KRT77: variants seen among roughly 807,000 people sequenced by gnomAD.
KRT77 encodes the protein keratin, type II cytoskeletal 1b.
KRT77 carries 44 observed loss-of-function variants against 51.5 expected under a neutral mutation model. The observed-to-expected ratio is 0.85, with a 90% CI of 0.67 to 1.10. The LOEUF is 1.10. Among genes scored for constraint, KRT77 ranks in the 50% least tolerant of loss-of-function variants. The pLI is 0.00. For missense variants in KRT77, 763 were observed against 743.9 expected, an observed-to-expected ratio of 1.03 and a Z score of -0.30; for synonymous variants, 293 against 302.0, an observed-to-expected ratio of 0.97 and a Z score of 0.31.
intron 3 of KRT77, 74 bp downstream of exon 3, chr12:52,696,296 C>A (rs1941793992): frequency 2.8e-6 from 4 of 1,417,006 alleles, no homozygotes; most frequent in Non-Finnish European, 4.0e-6. Context: ...TGTCACAGAG[C>A]ATCCCATAGG....
rs746915887 is a variant in KRT77 at position 52,696,465 on chromosome 12, C to T, written c.759-35G>A. On this transcript the variant is annotated intron_variant, in intron 2 of 8. Transcript: ENST00000341809. The stretch of plus-strand genomic sequence containing the variant: ...GAGGCAAAGGAGCACAGAAAGGCTG[C>T]AGGCTGACCTTGGCTCCCTGAGGTC... The T allele has an allele frequency of 3.1e-6, 5 of 1,592,920 alleles. No homozygotes were observed. The South Asian group carries it at 4.4e-5, about 14-fold the overall frequency.
In KRT77 at chr12:52,695,747, A is replaced by T. The variant is rs1469893140; in HGVS notation, c.915+25T>A. The T allele has an allele frequency of 4.0e-6, 6 of 1,506,224 alleles. No individual in the cohort carries two copies. In the Admixed American group the frequency reaches 1.0e-4, roughly 25 times the overall value. The allele number at this position is 1,506,224 out of a possible 1,614,324, so 93.3% of individuals were successfully genotyped here. A position where few individuals can be genotyped will look rare whatever the true frequency, so the allele number is the denominator to read the frequency against. On this transcript the variant is annotated intron_variant, in intron 4 of 8. Coordinates refer to ENST00000341809, the MANE Select transcript of KRT77 (RefSeq NM_175078.3). ...CTTGTGAGATGTGAGAAAAGAAAGG[A>T]GGTTCTTATAAAGGCTTAACTCACC...
At chr12:52,702,455 T>C (rs1001188245) in intron 1 of KRT77, among the ~76,000 whole-genome samples, 1 of 150,416 alleles carries the variant, frequency 6.6e-6, no homozygotes, top group African/African-American at 2.5e-5. Flanking sequence ...ATTGTGTGGA[T>C]GGGTGGGTGG....
intron 8 of KRT77, among the ~76,000 whole-genome samples, chr12:52,691,716 T>TA (rs1319142935): frequency 6.6e-6 from 1 of 152,264 alleles, no homozygotes; most frequent in Non-Finnish European, 1.5e-5. Flanking sequence ...CATCATTTAA[T>TA]AAAAAGGCAT....
Position 52,703,151 on chromosome 12 carries a change from C to A in KRT77, c.284G>T (p.Arg95Ile), listed in dbSNP as rs370354997. Residue 95 changes from arginine (R) to isoleucine (I), a missense_variant, in exon 1 of 9, where the codon AGA becomes ATA. Transcript: ENST00000341809. ...GGGVGGFGGG[R>I]GFGVGSTGAG... ...CCCGGTGCTGCCAACCCCAAAGCCT[C>A]TGCCCCCTCCAAATCCCCCTACTCC... 2 of 1,610,316 alleles carry A rather than the reference C, an allele frequency of 1.2e-6. No individual in the cohort carries two copies. The highest frequency in any genetic ancestry group is 1.7e-6 in the Non-Finnish European group (2 of 1,177,704).
chr12:52,698,389 C>T, intron 1 of KRT77: 1 of 394,548 alleles, frequency 2.5e-6, no homozygotes, highest in South Asian at 1.9e-5. Context: ...CTGCAGCCAC[C>T]ACCACCTCTG....
intron 4 of KRT77, 92 bp downstream of exon 4, chr12:52,695,676 GACCC>G (rs5798218): frequency 0.99 from 817,811 of 828,724 alleles, 404,262 homozygotes; most frequent in East Asian, 1. Context: ...TCCCTAGTGG[GACCC>G]TAGTGTTGGG....
Position 52,697,870 on chromosome 12 carries a change from C to T in KRT77, c.570G>A (p.Gln190=). ...DKVRFLEQQN[Q]VLQTKWELLQ... is the part of the protein sequence containing the mutation. ...GCAACTCCCATTTTGTTTGTAGCAC[C>T]TGGTTCTGCTGCTCCAGGAATCGCA... Residue 190 remains glutamine, a synonymous_variant, in exon 2 of 9, where the codon CAG becomes CAA. Coordinates refer to ENST00000341809, the MANE Select transcript of KRT77 (RefSeq NM_175078.3). 6.2e-7 allele frequency: 1 copy of T among 1,614,032 alleles called. No homozygotes were observed. The highest frequency in any genetic ancestry group is 8.5e-7 in the Non-Finnish European group (1 of 1,179,952).
rs1941909027 is a variant in KRT77, at chr12:52,703,111, T to C, written c.324A>G (p.Gly108=). 6.2e-7 allele frequency: 1 copy of C among 1,610,196 alleles called. No individual in the cohort carries two copies. Among genetic ancestry groups the C allele is most frequent in the African/African-American group, 1.4e-5 (1 of 73,382 alleles). The part of the protein sequence containing the change: ...GVGSTGAGGF[G]GGGFGGAGFG... ...ATCCAGCACCCCCAAAACCACCTCC[T>C]CCAAAGCCACCAGCCCCGGTGCTGC... Residue 108 remains glycine (G), a synonymous_variant, in exon 1 of 9, where the codon GGA becomes GGG. Transcript: ENST00000341809.
At chr12:52,696,596 A>G (rs2121061217) in intron 2 of KRT77, 166 bp from the exon 3 acceptor site, 1 of 640,374 alleles carries the variant, frequency 1.6e-6, no homozygotes, top group East Asian at 2.8e-5. Context: ...TGGCACTCTC[A>G]TGGATGAGGG....
rs1026255386 is a variant in KRT77, at chr12:52,702,927, C to T, written c.508G>A (p.Val170Ile). The T allele has an allele frequency of 3.1e-6, 5 of 1,613,926 alleles. No individual in the cohort carries two copies. The highest frequency in any genetic ancestry group is 3.3e-5 in the Admixed American group (2 of 59,978). ...IKTQEREQIM[V>I]LNNKFASFID... ...AAGGAGGCAAACTTGTTGTTGAGAA[C>T]CATAATCTGCTCCCGCTCCTGGGTC... Residue 170 changes from valine to isoleucine, a missense_variant, in exon 1 of 9, where the codon GTT (valine) becomes ATT (isoleucine). Transcript: ENST00000341809.
Position 52,690,832 on chromosome 12 carries a change from C to T in KRT77, c.*333G>A. ...CTTCTCCCTACCTTGCCAACTCACG[C>T]AGCCTCTGCCTCTAACTGGAATGTT... On this transcript the variant is annotated 3_prime_UTR_variant, in exon 9 of 9. Transcript: ENST00000341809. The T allele has an allele frequency of 2.2e-6, 1 of 462,050 alleles. No individual in the cohort carries two copies. The highest frequency in any genetic ancestry group is 3.9e-6 in the Non-Finnish European group (1 of 256,926). The allele number at this position is 462,050 out of a possible 1,614,324, so 28.6% of individuals were successfully genotyped here.
At chr12:52,699,949 G>A (rs115607302) in intron 1 of KRT77, among the ~76,000 whole-genome samples, 1 of 152,360 alleles carries the variant, frequency 6.6e-6, no homozygotes, top group African/African-American at 2.4e-5. Flanking sequence ...AAAGGTTTTA[G>A]AACTGCCTGC....
At chr12:52,695,005 G>T in intron 4 of KRT77, 3 of 349,844 alleles carry the variant, frequency 8.6e-6, no homozygotes, top group Non-Finnish European at 1.6e-5. Context: ...GGAGCGTTCA[G>T]ATACCATCTC....
chr12:52,698,182 C>A, intron 1 of KRT77: 1 of 1,341,680 alleles, frequency 7.5e-7, no homozygotes, highest in African/African-American at 1.5e-5. Context: ...TCACCCTCCA[C>A]ACTCAATTTA....
In KRT77 at chr12:52,691,254, C is replaced by T. The variant is rs1205588657; in HGVS notation, c.1648G>A (p.Gly550Arg). ...SGCGGGGGSY[G>R]GSGRSGRGSS... is the part of the protein sequence containing the mutation. ...CCGCGGCCGCTTCTGCCGCTCCCTC[C>T]GTAGCTCCCGCCACCGCCGCCGCAG... is the stretch of plus-strand genomic sequence containing the variant. Residue 550 changes from glycine to arginine, a missense_variant, in exon 9 of 9, where the codon GGA becomes AGA. Coordinates refer to ENST00000341809, the MANE Select transcript of KRT77 (RefSeq NM_175078.3). 1 of 1,609,806 alleles carries T rather than the reference C, an allele frequency of 6.2e-7. No individual in the cohort carries two copies. Among genetic ancestry groups the T allele is most frequent in the Non-Finnish European group, 8.5e-7 (1 of 1,178,156 alleles).
At chr12:52,700,426 A>G (rs1038626971) in intron 1 of KRT77, among the ~76,000 whole-genome samples, 2 of 152,048 alleles carry the variant, frequency 1.3e-5, no homozygotes, top group African/African-American at 4.8e-5. Context: ...AAACTGTGGC[A>G]TCTGAGCAAA....
At position 52,691,331 on chromosome 12, in the gene KRT77, C is replaced by G. The variant is rs201634299; in HGVS notation, c.1571G>C (p.Ser524Thr). 1 of 1,599,668 alleles carries G rather than the reference C, an allele frequency of 6.3e-7. No homozygotes were observed. Among genetic ancestry groups the G allele is most frequent in the Non-Finnish European group, 8.5e-7 (1 of 1,173,354 alleles). Residue 524 changes from serine (S) to threonine (T), a missense_variant, in exon 9 of 9, where the codon AGC becomes ACC. By Grantham distance (58) the Ser-to-Thr change is moderately conservative (BLOSUM62 1). Transcript: ENST00000341809. ...GCCTCGTGCCCCGCCTCCGCGGTAG[C>G]TTCTTCCGCCGCCATAGCCCCCACC... is the stretch of plus-strand genomic sequence containing the variant. Reference protein sequence around the residue: ...GSGGGYGGGRSYRGGGARGRS... With the variant: ...GSGGGYGGGRTYRGGGARGRS...
At chr12:52,693,916 A>G (rs965302912) in intron 5 of KRT77, among the ~76,000 whole-genome samples, 1 of 136,350 alleles carries the variant, frequency 7.3e-6, no homozygotes, top group African/African-American at 2.5e-5. Context: ...GCGTGCCTGT[A>G]ATCCCAGCTA....
Sources: gnomAD v4.1 joint callset for allele counts (sites outside exome capture counted in the v4.1 genomes callset) on GRCh38, gnomAD v4.1.1 for gene constraint, MANE v1.5 for transcripts, NCBI Gene and HGNC (gene_info 2026-07-23, HGNC 2026-07-21) for gene names.